The following AMZ1 variants were observed in gnomAD, a reference collection of about 807,000 sequenced individuals.
AMZ1 encodes the protein archaemetzincin-1.
A neutral mutation model predicts 29.9 loss-of-function variants in AMZ1; 39 were observed. The observed-to-expected ratio is 1.30, with a 90% confidence interval of 1.01 to 1.70. AMZ1 has a LOEUF of 1.70. Ranked by LOEUF, AMZ1 falls within the 40% of genes most tolerant of loss-of-function variation. AMZ1 has a pLI of 0.00. For missense variants in AMZ1, 1,041 were observed against 680.6 expected, an observed-to-expected ratio of 1.53 and a Z score of -5.89; for synonymous variants, 458 against 304.0, an observed-to-expected ratio of 1.51 and a Z score of -5.27.
At position 2,751,083 on chromosome 7, in the gene AMZ1, G is replaced by C. The variant is rs148566878; in HGVS notation, n.551-13629G>C. On this transcript the variant is annotated intron_variant and non_coding_transcript_variant, in intron 4 of 4. Coordinates refer to the AMZ1 transcript ENST00000489665. ...ACTACAGCATTTCGGGGAGAAATCT[G>C]TTGCTTTACATGCTTATATTAGGGC... is the stretch of plus-strand genomic sequence containing the variant. Among the ~76,000 whole-genome samples the C allele has an allele frequency of 5.5e-4, 84 of 152,266 alleles. 2 individuals carry two copies. The highest frequency in any genetic ancestry group is 1.8e-3 in the African/African-American group (75 of 41,556).
chr7:2,755,117 G>A (rs1432612391), intron 4 of AMZ1, among the ~76,000 whole-genome samples: 1 of 152,036 alleles, frequency 6.6e-6, no homozygotes, highest in African/African-American at 2.4e-5. Flanking sequence ...GGTCTGTCCA[G>A]TGACCTCGTG....
At chr7:2,697,575 C>A (rs1168594255) in intron 1 of AMZ1, among the ~76,000 whole-genome samples, 6 of 151,996 alleles carry the variant, frequency 3.9e-5, no homozygotes, top group Non-Finnish European at 8.8e-5. Flanking sequence ...AGGTGCGCGT[C>A]ACCATGCCCG....
chr7:2,724,852 C>T (rs114012938), intron 4 of AMZ1, among the ~76,000 whole-genome samples: 5 of 152,106 alleles, frequency 3.3e-5, no homozygotes, highest in African/African-American at 7.2e-5. Context: ...TGACAATGTC[C>T]GGGAAGGATT....
intron 3 of AMZ1, among the ~76,000 whole-genome samples, chr7:2,706,077 G>A (rs1788337655): frequency 6.6e-6 from 1 of 152,230 alleles, no homozygotes; most frequent in African/African-American, 2.4e-5. Flanking sequence ...AAGGTGCACG[G>A]GGGAGCCCTC....
chr7:2,738,965 T>C (rs1443640865), intron 4 of AMZ1, among the ~76,000 whole-genome samples: 2 of 152,138 alleles, frequency 1.3e-5, no homozygotes, highest in African/African-American at 4.8e-5. Flanking sequence ...TCTCCAAGCC[T>C]GGCACACAGC....
intron 2 of AMZ1, 70 bp from the exon 3 acceptor site, chr7:2,702,652 G>A: frequency 1.4e-6 from 2 of 1,461,754 alleles, no homozygotes; most frequent in Non-Finnish European, 1.8e-6. Context: ...GTGTCTGCGA[G>A]TGATTCCCGG....
chr7:2,680,031 G>C (rs958592805), intron 1 of AMZ1, among the ~76,000 whole-genome samples: 2 of 152,306 alleles, frequency 1.3e-5, no homozygotes, highest in Non-Finnish European at 2.9e-5. Flanking sequence ...AGTGAGACGT[G>C]GTCTTTGAAA....
intron 1 of AMZ1, among the ~76,000 whole-genome samples, chr7:2,680,950 C>T (rs1452417394): frequency 6.6e-6 from 1 of 152,174 alleles, no homozygotes; most frequent in Non-Finnish European, 1.5e-5. Context: ...CTTCGGGATC[C>T]CCGCATCCAC....
intron 4 of AMZ1, among the ~76,000 whole-genome samples, chr7:2,758,988 A>C (rs1319240581): frequency 2.0e-5 from 3 of 151,824 alleles, no homozygotes; most frequent in Non-Finnish European, 2.9e-5. Flanking sequence ...AAAAATACAA[A>C]AACTAGCGGG....
At chr7:2,750,574 C>A (rs548426400) in intron 4 of AMZ1, among the ~76,000 whole-genome samples, 53 of 152,318 alleles carry the variant, frequency 3.5e-4, no homozygotes, top group South Asian at 8.3e-4. Flanking sequence ...TGTAACAACA[C>A]ACTGTAATAA....
chr7:2,700,646 C>T lies in AMZ1; in HGVS notation c.195C>T (p.Asp65=), dbSNP rs761194583. The T allele has an allele frequency of 3.1e-6, 5 of 1,612,126 alleles. No homozygotes were observed. In the South Asian group the frequency reaches 5.5e-5, roughly 18 times the overall value. The part of the protein sequence containing the change: ...FCTLLIRTGF[D]WLLSRPEAPE... Reference sequence around the variant, plus strand: ...CCCTGCTCATCCGCACGGGCTTCGACTGGCTCCTGAGCCGACCCGAGGCTC... The same window carrying T: ...CCCTGCTCATCCGCACGGGCTTCGATTGGCTCCTGAGCCGACCCGAGGCTC... The change falls in exon 2 of 7, where the codon GAC becomes GAT. Residue 65 remains aspartate (D), a synonymous_variant. Coordinates refer to ENST00000683327, the MANE Select transcript of AMZ1 (RefSeq NM_001384743.1).
chr7:2,721,124 G>A (rs1789402707), downstream of AMZ1, among the ~76,000 whole-genome samples: 1 of 152,236 alleles, frequency 6.6e-6, no homozygotes, highest in Admixed American at 6.5e-5. Context: ...GACACACTGG[G>A]TGGCGCGGGA....
At chr7:2,689,349 C>A (rs112670034) in intron 1 of AMZ1, among the ~76,000 whole-genome samples, 107 of 150,984 alleles carry the variant, frequency 7.1e-4, no homozygotes, top group Non-Finnish European at 1.4e-3. Context: ...GCCCTTGTTG[C>A]TTAGAGCGGC....
chr7:2,712,494 T>C lies in AMZ1; in HGVS notation c.1113T>C (p.Asp371=). 6.2e-7 allele frequency: 1 copy of C among 1,609,856 alleles called. No homozygotes were observed. Among genetic ancestry groups the C allele is most frequent in the Non-Finnish European group, 8.5e-7 (1 of 1,178,712 alleles). Residue 371 remains aspartate, a synonymous_variant, in exon 7 of 7, where the codon GAT becomes GAC. Transcript: ENST00000683327. ...GTSVSEPLTP[D]AGSHTFASGP... is the part of the protein sequence containing the mutation. The stretch of plus-strand genomic sequence containing the variant: ...GTGTGTCGGAGCCCCTCACCCCTGA[T>C]GCCGGGAGTCACACCTTCGCCTCGG...
intron 4 of AMZ1, among the ~76,000 whole-genome samples, chr7:2,737,616 G>A (rs887934259): frequency 5.3e-5 from 8 of 152,106 alleles, no homozygotes; most frequent in Admixed American, 2.0e-4. Context: ...CACTTAGTGA[G>A]GTTAACTCTA....
chr7:2,699,081 G>T (rs964666892), intron 1 of AMZ1, among the ~76,000 whole-genome samples: 1 of 152,038 alleles, frequency 6.6e-6, no homozygotes, highest in East Asian at 1.9e-4. Context: ...TCCCCCTTCT[G>T]TGGTTTCTGG....
chr7:2,735,272 TGA>T (rs770137519), intron 4 of AMZ1, among the ~76,000 whole-genome samples: 45 of 152,274 alleles, frequency 3.0e-4, no homozygotes, highest in Middle Eastern at 6.8e-3. Flanking sequence ...CCCAGGGAGC[TGA>T]GAGTAGCAGC....
intron 3 of AMZ1, among the ~76,000 whole-genome samples, chr7:2,703,281 C>G (rs1788167452): frequency 6.6e-6 from 1 of 152,120 alleles, no homozygotes. Context: ...GTAGCTGGGA[C>G]TAAAAGCGCC....
intron 4 of AMZ1, chr7:2,729,692 G>T: frequency 6.6e-6 from 1 of 152,510 alleles, no homozygotes; most frequent in Non-Finnish European, 1.5e-5. Flanking sequence ...CGAGGGCCCT[G>T]GGATATGTGA....
Sources: allele counts gnomAD v4.1 joint callset (sites outside exome capture counted in the v4.1 genomes callset), GRCh38; gene constraint gnomAD v4.1.1; transcripts MANE v1.5; gene names NCBI Gene and HGNC (gene_info 2026-07-23, HGNC 2026-07-21).